DNER: variants seen among roughly 807,000 people sequenced by gnomAD.
The protein encoded by DNER is delta/notch like EGF repeat containing.
DNER carries 33 observed loss-of-function variants against 78.2 expected under a neutral mutation model. The observed-to-expected ratio is 0.42, with a 90% CI of 0.32 to 0.56. DNER has a LOEUF of 0.56. DNER is among the 20% of genes least tolerant of loss of function. The pLI, the probability that DNER is intolerant of heterozygous loss-of-function variation, is 0.11. For missense variants in DNER, 918 were observed against 975.3 expected (o/e 0.94, Z 0.78); for synonymous variants, 417 against 384.8 (o/e 1.08, Z -0.98).
chr2:229,605,820 A>T (rs1697923958), intron 1 of DNER, among the ~76,000 whole-genome samples: 1 of 152,138 alleles, frequency 6.6e-6, no homozygotes, highest in African/African-American at 2.4e-5. Context: ...TGAACCTAGG[A>T]GGCGGAGGTT....
At chr2:229,460,274 C>A (rs191397361) in intron 7 of DNER, among the ~76,000 whole-genome samples, 56 of 151,224 alleles carry the variant, frequency 3.7e-4, no homozygotes, top group Admixed American at 2.6e-3. Flanking sequence ...AAATTAAGAG[C>A]CAAGATGTTT....
Position 229,714,194 on chromosome 2 carries a change from C to T in DNER, c.230G>A (p.Gly77Asp). 1 of 1,373,102 alleles carries T rather than the reference C, an allele frequency of 7.3e-7. No individual in the cohort carries two copies. The highest frequency in any genetic ancestry group is 9.4e-7 in the Non-Finnish European group (1 of 1,067,534). The allele number at this position is 1,373,102 out of a possible 1,614,324, so 85.1% of individuals were successfully genotyped here. Residue 77 changes from glycine to aspartate, a missense_variant, in exon 1 of 13, where the codon GGC (glycine) becomes GAC (aspartate). Coordinates refer to ENST00000341772, the MANE Select transcript of DNER (RefSeq NM_139072.4). The stretch of plus-strand genomic sequence containing the variant: ...CCCGGCGGGGCAGGTGCAGCTGTAG[C>T]CAGGCTCGCCGGCGGGGGCCGGGTG... ...PQHPAPAGEP[G>D]YSCTCPAGIS...
At chr2:229,675,815 G>T (rs961237904) in intron 1 of DNER, among the ~76,000 whole-genome samples, 3 of 152,162 alleles carry the variant, frequency 2.0e-5, no homozygotes, top group Non-Finnish European at 4.4e-5. Context: ...CAAGGCTCGT[G>T]CTCAGCAGGC....
intron 1 of DNER, among the ~76,000 whole-genome samples, chr2:229,676,589 C>T (rs918845912): frequency 1.3e-5 from 2 of 152,172 alleles, no homozygotes; most frequent in African/African-American, 4.8e-5. Context: ...CAGGTCTTCC[C>T]ATCCATCCCT....
At chr2:229,447,249 T>C in intron 8 of DNER, 67 bp downstream of exon 8, 1 of 1,444,986 alleles carries the variant, frequency 6.9e-7, no homozygotes, top group Non-Finnish European at 9.3e-7. Flanking sequence ...AAAGAAAAAG[T>C]AATGGTCTTT....
chr2:229,519,697 C>T (rs1696056376), intron 5 of DNER, among the ~76,000 whole-genome samples: 1 of 152,152 alleles, frequency 6.6e-6, no homozygotes, highest in Non-Finnish European at 1.5e-5. Context: ...GCCTCGGGTT[C>T]AGAAGATGCG....
At chr2:229,530,145 A>C (rs1039344658) in intron 5 of DNER, among the ~76,000 whole-genome samples, 14 of 152,252 alleles carry the variant, frequency 9.2e-5, no homozygotes, top group African/African-American at 3.4e-4. Context: ...TTCTATAGAT[A>C]TAGACCTAAA....
At chr2:229,479,712 CAAAAAAAA>C (rs1023070502) in intron 6 of DNER, among the ~76,000 whole-genome samples, 1 of 79,816 alleles carries the variant, frequency 1.3e-5, no homozygotes, top group Non-Finnish European at 2.7e-5. Context: ...GACTTTGTCT[CAAAAAAAA>C]AAAAAAAAAA....
At chr2:229,597,402 T>A (rs1049174817) in intron 1 of DNER, among the ~76,000 whole-genome samples, 1 of 152,210 alleles carries the variant, frequency 6.6e-6, no homozygotes, top group Admixed American at 6.5e-5. Flanking sequence ...CTGTATACAG[T>A]CAAGATTTTT....
intron 1 of DNER, among the ~76,000 whole-genome samples, chr2:229,709,188 C>G (rs554069713): frequency 1.2e-4 from 19 of 152,184 alleles, no homozygotes; most frequent in African/African-American, 4.3e-4. Flanking sequence ...ATTTTTGCAA[C>G]GTGTTACCTT....
In DNER at chr2:229,676,231, C is replaced by A. The variant is rs141716865; in HGVS notation, c.276+37917G>T. On this transcript the variant is annotated intron_variant, in intron 1 of 12. Coordinates refer to ENST00000341772, the MANE Select transcript of DNER (RefSeq NM_139072.4). ...GCAGAAACCACTGCTCTTGACTTTG[C>A]AGAAGGAATACACTGGTTGAGCGGC... Among the ~76,000 whole-genome samples the A allele has an allele frequency of 7.9e-5, 12 of 152,288 alleles. No individual in the cohort carries two copies. In the East Asian group the frequency reaches 1.3e-3, roughly 17 times the overall value.
intron 7 of DNER, among the ~76,000 whole-genome samples, chr2:229,473,536 T>C (rs1429717449): frequency 2.0e-5 from 3 of 152,210 alleles, no homozygotes; most frequent in African/African-American, 7.2e-5. Flanking sequence ...CTAATTTGAT[T>C]CTCATTGTTG....
At chr2:229,431,502 C>T (rs1011772274) in intron 8 of DNER, among the ~76,000 whole-genome samples, 2 of 150,280 alleles carry the variant, frequency 1.3e-5, no homozygotes, top group Non-Finnish European at 3.0e-5. Context: ...AATGTTTTAG[C>T]TATGTCTTAT....
chr2:229,628,288 C>G (rs1156999991), intron 1 of DNER, among the ~76,000 whole-genome samples: 1 of 152,138 alleles, frequency 6.6e-6, no homozygotes, highest in Admixed American at 6.5e-5. Context: ...AGTCATATAT[C>G]CACAGTTTCA....
At chr2:229,595,481 C>A (rs1368498451) in intron 1 of DNER, among the ~76,000 whole-genome samples, 2 of 152,138 alleles carry the variant, frequency 1.3e-5, no homozygotes, top group African/African-American at 4.8e-5. Context: ...GAGGTTTCAC[C>A]ATGTTGGCCA....
intron 1 of DNER, among the ~76,000 whole-genome samples, chr2:229,654,193 C>A (rs888047778): frequency 6.6e-6 from 1 of 152,046 alleles, no homozygotes; most frequent in Admixed American, 6.6e-5. Flanking sequence ...CAGTTCCCAC[C>A]TATGAGTGAG....
At chr2:229,389,986 A>G (rs1692980842) in intron 10 of DNER, among the ~76,000 whole-genome samples, 1 of 152,244 alleles carries the variant, frequency 6.6e-6, no homozygotes, top group Non-Finnish European at 1.5e-5. Context: ...CACTCTTAGT[A>G]GAAATAGTCA....
chr2:229,456,835 G>T (rs559064221), intron 7 of DNER, among the ~76,000 whole-genome samples: 5 of 151,734 alleles, frequency 3.3e-5, no homozygotes, highest in Non-Finnish European at 7.4e-5. Flanking sequence ...TGAACCCCAG[G>T]GAGAATAAAT....
rs1287744660 is a variant in DNER, at chr2:229,576,322, C to G, written c.847+9536G>C. 3.1e-5 allele frequency among the ~76,000 whole-genome samples: 4 copies of G among 127,376 alleles called. No individual in the cohort carries two copies. In the East Asian group the frequency reaches 8.9e-4, roughly 28 times the overall value. The allele number at this position is 127,376 out of a possible 152,430, so 83.6% of individuals were successfully genotyped here. On this transcript the variant is annotated intron_variant, in intron 4 of 12. Transcript: ENST00000341772. ...ATTCCCAAAAGAATGATGAAAGTTT[C>G]TCTCTCTTTTTTTTTTTTTTTTTTT... is the stretch of plus-strand genomic sequence containing the variant.
Sources: allele counts gnomAD v4.1 joint callset (sites outside exome capture counted in the v4.1 genomes callset), GRCh38; gene constraint gnomAD v4.1.1; transcripts MANE v1.5; gene names NCBI Gene and HGNC (gene_info 2026-07-23, HGNC 2026-07-21).